Variants in TMEM132D observed in about 807,000 individuals in gnomAD.
TMEM132D encodes transmembrane protein 132D.
A neutral mutation model predicts 62.3 loss-of-function variants in TMEM132D; 21 were observed. The ratio of observed to expected loss-of-function variants is 0.34; its 90% CI spans 0.24 to 0.49. TMEM132D has a LOEUF of 0.49. TMEM132D is among the 20% of genes least tolerant of loss of function. The pLI, the probability that TMEM132D is intolerant of heterozygous loss-of-function variation, is 0.99. For missense variants in TMEM132D, 1,346 were observed against 1,402.8 expected, an observed-to-expected ratio of 0.96 and a Z score of 0.65; for synonymous variants, 621 against 575.6, an observed-to-expected ratio of 1.08 and a Z score of -1.13.
intron 5 of TMEM132D, among the ~76,000 whole-genome samples, chr12:129,134,124 G>GTGTGTGTGTC (rs1555231895): frequency 1.4e-5 from 2 of 142,042 alleles, no homozygotes; most frequent in African/African-American, 2.9e-5. Context: ...TGTTGTGTGT[G>GTGTGTGTGTC]TGTGTGTGTC....
intron 3 of TMEM132D, among the ~76,000 whole-genome samples, chr12:129,449,350 A>C (rs545484101): frequency 6.6e-6 from 1 of 152,334 alleles, no homozygotes; most frequent in Non-Finnish European, 1.5e-5. Flanking sequence ...GTGTTAAGGA[A>C]TGAATAATTA....
intron 3 of TMEM132D, among the ~76,000 whole-genome samples, chr12:129,404,731 A>G (rs11060322): frequency 0.018 from 2,671 of 151,888 alleles, 71 homozygotes; most frequent in African/African-American, 0.061. Flanking sequence ...CTCCTGTGAG[A>G]TACCTGAGCA....
chr12:129,385,199 G>A (rs1012086113), intron 3 of TMEM132D, among the ~76,000 whole-genome samples: 5 of 146,760 alleles, frequency 3.4e-5, no homozygotes, highest in South Asian at 4.4e-4. Flanking sequence ...TCCGCCTCCC[G>A]GGTTCAAGCC....
At chr12:129,693,955 C>A in intron 2 of TMEM132D, among the ~76,000 whole-genome samples, 1 of 152,198 alleles carries the variant, frequency 6.6e-6, no homozygotes, top group Non-Finnish European at 1.5e-5. Flanking sequence ...ATGTAAGGCT[C>A]CCATAAAGGG....
At chr12:129,485,141 TA>T (rs1257320893) in intron 3 of TMEM132D, among the ~76,000 whole-genome samples, 1 of 152,112 alleles carries the variant, frequency 6.6e-6, no homozygotes, top group East Asian at 1.9e-4. Context: ...GGCAAACACA[TA>T]TACGTGGTAC....
intron 3 of TMEM132D, among the ~76,000 whole-genome samples, chr12:129,465,763 A>T (rs577866636): frequency 1.3e-4 from 20 of 152,166 alleles, no homozygotes; most frequent in Admixed American, 1.1e-3. Flanking sequence ...GCTCACTGTA[A>T]CCTCTGCCTC....
chr12:129,565,975 C>T (rs991110739), intron 2 of TMEM132D, among the ~76,000 whole-genome samples: 6 of 152,206 alleles, frequency 3.9e-5, no homozygotes, highest in South Asian at 2.1e-4. Context: ...CTCAAATGCA[C>T]GTCTTTTTAC....
intron 1 of TMEM132D, among the ~76,000 whole-genome samples, chr12:129,873,569 C>T (rs1040360295): frequency 6.6e-6 from 1 of 152,190 alleles, no homozygotes; most frequent in Non-Finnish European, 1.5e-5. Flanking sequence ...GCTGAACCAG[C>T]GTGAACCTGG....
chr12:129,571,468 A>G (rs1008640696), intron 2 of TMEM132D, among the ~76,000 whole-genome samples: 2 of 152,106 alleles, frequency 1.3e-5, no homozygotes, highest in Non-Finnish European at 2.9e-5. Context: ...GCTACTCCGG[A>G]GGCTGAGGTG....
intron 1 of TMEM132D, among the ~76,000 whole-genome samples, chr12:129,771,982 G>T (rs1041876724): frequency 1.3e-5 from 2 of 152,164 alleles, no homozygotes; most frequent in Non-Finnish European, 2.9e-5. Context: ...ACAAAGGACG[G>T]CAGTGATATC....
chr12:129,833,871 G>A (rs1223027695), intron 1 of TMEM132D, among the ~76,000 whole-genome samples: 3 of 152,090 alleles, frequency 2.0e-5, no homozygotes, highest in Non-Finnish European at 1.5e-5. Flanking sequence ...CTCGGCTGTT[G>A]TTCCTAATGC....
At chr12:129,162,971 G>A (rs192424925) in intron 5 of TMEM132D, among the ~76,000 whole-genome samples, 11 of 152,262 alleles carry the variant, frequency 7.2e-5, no homozygotes, top group East Asian at 1.9e-4. Context: ...ACTGGACTGC[G>A]CAGGACCAGC....
chr12:129,098,579 G>C (rs1280513740), intron 5 of TMEM132D, among the ~76,000 whole-genome samples: 4 of 152,148 alleles, frequency 2.6e-5, no homozygotes. Flanking sequence ...TGTGAGGTTG[G>C]TGTTATTACA....
intron 1 of TMEM132D, among the ~76,000 whole-genome samples, chr12:129,703,955 A>G (rs534476498): frequency 6.6e-6 from 1 of 151,134 alleles, no homozygotes; most frequent in Non-Finnish European, 1.5e-5. Flanking sequence ...TCCATGCTGA[A>G]AATTAGGTAC....
chr12:129,758,099 T>C (rs1364266811), intron 1 of TMEM132D, among the ~76,000 whole-genome samples: 1 of 152,034 alleles, frequency 6.6e-6, no homozygotes, highest in African/African-American at 2.4e-5. Context: ...GAGACAGGGT[T>C]TCACCATGTT....
intron 2 of TMEM132D, among the ~76,000 whole-genome samples, chr12:129,689,775 G>T (rs576298448): frequency 1.3e-5 from 2 of 152,184 alleles, no homozygotes; most frequent in Non-Finnish European, 2.9e-5. Context: ...CCAAAACAAT[G>T]GTGTTAAGAA....
At chr12:129,603,722 G>T (rs1478797336) in intron 2 of TMEM132D, among the ~76,000 whole-genome samples, 1 of 152,178 alleles carries the variant, frequency 6.6e-6, no homozygotes, top group Non-Finnish European at 1.5e-5. Context: ...CTGTTGGTGG[G>T]AGTGTAAATT....
At chr12:129,357,029 G>A (rs547042159) in intron 3 of TMEM132D, among the ~76,000 whole-genome samples, 1 of 151,522 alleles carries the variant, frequency 6.6e-6, no homozygotes, top group African/African-American at 2.4e-5. Flanking sequence ...GGTGGATCAC[G>A]AGGTCAGGAG....
chr12:129,816,067 G>A (rs533090344), intron 1 of TMEM132D, among the ~76,000 whole-genome samples: 9 of 152,280 alleles, frequency 5.9e-5, no homozygotes, highest in East Asian at 3.9e-4. Flanking sequence ...CAGCTGTTCC[G>A]CTCATGGTGT....
Sources: gnomAD v4.1 joint callset for allele counts (sites outside exome capture counted in the v4.1 genomes callset) on GRCh38, gnomAD v4.1.1 for gene constraint, MANE v1.5 for transcripts, NCBI Gene and HGNC (gene_info 2026-07-23, HGNC 2026-07-21) for gene names.